BCHE: variants seen among roughly 807,000 people sequenced by gnomAD.
The protein encoded by BCHE is cholinesterase.
BCHE carries 48 observed loss-of-function variants against 51.3 expected under a neutral mutation model. The observed-to-expected ratio is 0.94, with a 90% CI of 0.74 to 1.19. The LOEUF (loss-of-function observed/expected upper bound fraction) is 1.19. BCHE is among the 50% of genes most tolerant of loss of function. BCHE has a pLI of 0.00. For synonymous variants in BCHE, 251 were observed against 238.0 expected (o/e 1.05, Z -0.50); for missense variants, 847 against 708.2 (o/e 1.20, Z -2.23).
At chr3:165,780,275 A>C (rs906012468) in intron 3 of BCHE, among the ~76,000 whole-genome samples, 2 of 152,210 alleles carry the variant, frequency 1.3e-5, no homozygotes, top group Non-Finnish European at 2.9e-5. Flanking sequence ...TGGATTAAAG[A>C]CTTGATGGTA....
chr3:165,805,614 TGAGATA>T (rs1381510134), intron 2 of BCHE, among the ~76,000 whole-genome samples: 1 of 152,200 alleles, frequency 6.6e-6, no homozygotes, highest in Non-Finnish European at 1.5e-5. Flanking sequence ...CTGTAAGATC[TGAGATA>T]CAGCACAGAT....
intron 3 of BCHE, among the ~76,000 whole-genome samples, chr3:165,773,967 G>T (rs1049918653): frequency 1.3e-5 from 2 of 152,010 alleles, no homozygotes; most frequent in African/African-American, 4.8e-5. Context: ...TTTGTGGGGA[G>T]TTGGTTCTAG....
At chr3:165,822,947 G>A (rs556042312) in intron 2 of BCHE, among the ~76,000 whole-genome samples, 114 of 151,986 alleles carry the variant, frequency 7.5e-4, no homozygotes, top group Non-Finnish European at 1.4e-3. Context: ...TGGGTGATTG[G>A]TAGACGTATT....
intron 2 of BCHE, among the ~76,000 whole-genome samples, chr3:165,821,131 T>C (rs1714496054): frequency 6.6e-6 from 1 of 151,982 alleles, no homozygotes; most frequent in Non-Finnish European, 1.5e-5. Flanking sequence ...AGTACACTGT[T>C]CATGTTAAGA....
intron 2 of BCHE, among the ~76,000 whole-genome samples, chr3:165,790,160 G>C (rs1012432873): frequency 6.6e-6 from 1 of 152,062 alleles, no homozygotes; most frequent in East Asian, 1.9e-4. Flanking sequence ...TTAGAGAGTT[G>C]AGACTTTTAG....
chr3:165,797,902 C>T (rs1315231729), intron 2 of BCHE, among the ~76,000 whole-genome samples: 1 of 152,076 alleles, frequency 6.6e-6, no homozygotes, highest in Non-Finnish European at 1.5e-5. Context: ...AATAATACTC[C>T]AAGAAAATTA....
chr3:165,833,282 T>C (rs1270645050), intron 1 of BCHE, among the ~76,000 whole-genome samples: 1 of 152,122 alleles, frequency 6.6e-6, no homozygotes, highest in African/African-American at 2.4e-5. Flanking sequence ...ATGCCATTTA[T>C]TGACAGGGAT....
chr3:165,819,074 C>CTTT (rs5854159), intron 2 of BCHE, among the ~76,000 whole-genome samples: 234 of 136,572 alleles, frequency 1.7e-3, no homozygotes, highest in African/African-American at 5.8e-3. Flanking sequence ...TTTTTAACTT[C>CTTT]TTTTTTTTTT....
At chr3:165,823,875 G>A (rs982442500) in intron 2 of BCHE, among the ~76,000 whole-genome samples, 29 of 150,808 alleles carry the variant, frequency 1.9e-4, no homozygotes, top group African/African-American at 4.1e-4. Flanking sequence ...CTCCTGCCTC[G>A]GCCTCCCATG....
intron 2 of BCHE, among the ~76,000 whole-genome samples, chr3:165,828,272 T>A (rs1162710674): frequency 1.3e-5 from 2 of 152,110 alleles, no homozygotes; most frequent in Admixed American, 1.3e-4. Flanking sequence ...AAGAAAGTTC[T>A]AAGGTGCAGT....
At chr3:165,778,619 G>C in intron 3 of BCHE, 1 of 430,698 alleles carries the variant, frequency 2.3e-6, no homozygotes, top group Non-Finnish European at 4.8e-6. Flanking sequence ...CTTCTTAAAA[G>C]CTTTCCATGG....
intron 2 of BCHE, among the ~76,000 whole-genome samples, chr3:165,788,564 G>A (rs1295398040): frequency 6.6e-6 from 1 of 152,034 alleles, no homozygotes; most frequent in Non-Finnish European, 1.5e-5. Context: ...GCTGCTGGAG[G>A]CTGGATATTA....
intron 2 of BCHE, among the ~76,000 whole-genome samples, chr3:165,816,530 CCT>C (rs1264368015): frequency 6.6e-6 from 1 of 151,774 alleles, no homozygotes; most frequent in Non-Finnish European, 1.5e-5. Context: ...TGATTCCTCT[CCT>C]CTCATTCTCT....
intron 1 of BCHE, 96 bp from the exon 2 acceptor site, chr3:165,831,137 T>A: frequency 9.0e-7 from 1 of 1,112,464 alleles, no homozygotes; most frequent in South Asian, 1.4e-5. Flanking sequence ...TCGTTAGTAA[T>A]TCTACAAATT....
chr3:165,807,272 T>C (rs973026702), intron 2 of BCHE, among the ~76,000 whole-genome samples: 40 of 151,854 alleles, frequency 2.6e-4, no homozygotes, highest in African/African-American at 9.2e-4. Context: ...CATAATATGA[T>C]TTTTATTTTT....
At chr3:165,788,669 A>G (rs1389994911) in intron 2 of BCHE, among the ~76,000 whole-genome samples, 1 of 152,112 alleles carries the variant, frequency 6.6e-6, no homozygotes, top group African/African-American at 2.4e-5. Flanking sequence ...TACTTATGGC[A>G]CCATTTTAAC....
chr3:165,824,232 G>T (rs1169931360), intron 2 of BCHE, among the ~76,000 whole-genome samples: 1 of 151,640 alleles, frequency 6.6e-6, no homozygotes, highest in Non-Finnish European at 1.5e-5. Flanking sequence ...TTATGATAAA[G>T]TTGTTTTTAT....
chr3:165,775,877 G>C lies in BCHE; in HGVS notation c.1685-2371C>G, dbSNP rs141618211. On this transcript the variant is annotated intron_variant, in intron 3 of 3. Transcript: ENST00000264381. Reference sequence around the variant, plus strand: ...AATGAGTAAATAAAATATTGAGTTTGAAGTAAATCAAAATCAAAATTAAAC... The same window carrying C: ...AATGAGTAAATAAAATATTGAGTTTCAAGTAAATCAAAATCAAAATTAAAC... 2.7e-4 allele frequency among the ~76,000 whole-genome samples: 41 copies of C among 152,018 alleles called. No individual in the cohort carries two copies. In the East Asian group the frequency reaches 7.9e-3, roughly 29 times the overall value.
rs796566960 is a variant in BCHE, at chr3:165,830,586, T to C, written c.448A>G (p.Thr150Ala). ...CCATCATAAACATGTAAAGATGATG[T>C]TCCAGTTTGAAAACCACCACCATAA... Reference protein sequence around the residue: ...WIYGGGFQTGTSSLHVYDGKF... With the variant: ...WIYGGGFQTGASSLHVYDGKF... Residue 150 changes from threonine to alanine, a missense_variant, in exon 2 of 4, where the codon ACA becomes GCA. Physicochemically the swap from Thr to Ala is moderately conservative, Grantham distance 58. Transcript: ENST00000264381. The C allele has an allele frequency of 1.9e-6, 3 of 1,613,972 alleles. No homozygotes were observed. Among genetic ancestry groups the C allele is most frequent in the Non-Finnish European group, 2.5e-6 (3 of 1,179,932 alleles).
Sources: allele counts gnomAD v4.1 joint callset (sites outside exome capture counted in the v4.1 genomes callset), GRCh38; gene constraint gnomAD v4.1.1; transcripts MANE v1.5; gene names NCBI Gene and HGNC (gene_info 2026-07-23, HGNC 2026-07-21).